The following GALNTL5 variants were observed in gnomAD, a reference collection of about 807,000 sequenced individuals.
GALNTL5 encodes polypeptide N-acetylgalactosaminyltransferase like 5, also known as inactive polypeptide N-acetylgalactosaminyltransferase-like protein 5.
Under a neutral mutation model 51.0 loss-of-function variants are expected in GALNTL5, and 44 were observed. The ratio of observed to expected loss-of-function variants is 0.86; its 90% CI spans 0.68 to 1.11. The LOEUF (loss-of-function observed/expected upper bound fraction) is 1.11. GALNTL5 is among the 50% of genes least tolerant of loss of function. The pLI, the probability that GALNTL5 is intolerant of heterozygous loss-of-function variation, is 0.00. For synonymous variants in GALNTL5, 192 were observed against 182.8 expected (o/e 1.05, Z -0.41); for missense variants, 528 against 531.8 (o/e 0.99, Z 0.07).
chr7:151,996,449 G>C (rs576963551), intron 5 of GALNTL5, among the ~76,000 whole-genome samples: 40 of 151,826 alleles, frequency 2.6e-4, no homozygotes, highest in African/African-American at 9.7e-4. Flanking sequence ...GAAAGATACA[G>C]CAATAACAGG....
intron 2 of GALNTL5, among the ~76,000 whole-genome samples, chr7:151,970,318 A>G (rs1398624675): frequency 6.6e-6 from 1 of 152,194 alleles, no homozygotes; most frequent in African/African-American, 2.4e-5. Context: ...CATCACATAT[A>G]GGTTATTTTC....
At chr7:151,957,546 C>T in intron 1 of GALNTL5, among the ~76,000 whole-genome samples, 1 of 121,484 alleles carries the variant, frequency 8.2e-6, no homozygotes, top group African/African-American at 3.2e-5. Flanking sequence ...GAGACCCTGT[C>T]TCAAAAAAAA....
chr7:151,983,687 T>G (rs2081325801), intron 4 of GALNTL5, among the ~76,000 whole-genome samples: 1 of 152,076 alleles, frequency 6.6e-6, no homozygotes, highest in Admixed American at 6.6e-5. Flanking sequence ...ACCGGCCACA[T>G]CCTTGGAGAT....
intron 2 of GALNTL5, among the ~76,000 whole-genome samples, chr7:151,968,438 G>A (rs1441541610): frequency 6.6e-6 from 1 of 152,084 alleles, no homozygotes; most frequent in Non-Finnish European, 1.5e-5. Flanking sequence ...TGCTCTGAAC[G>A]GCCCTCCCAC....
rs2081128570 is a variant in GALNTL5 at position 151,971,030 on chromosome 7, C to T, written c.333C>T (p.Gly111=). 11 of 1,611,326 alleles carry T rather than the reference C, an allele frequency of 6.8e-6. No homozygotes were observed. The highest frequency in any genetic ancestry group is 9.3e-6 in the Non-Finnish European group (11 of 1,178,062). The part of the protein sequence containing the change: ...GFNVIISRSL[G]IEREVPDTRS... ...ATGTGATTATCAGTAGAAGCTTGGG[C>T]ATCGAAAGAGAAGTGCCAGATACCA... The change falls in exon 3 of 9, where the codon GGC becomes GGT. Residue 111 remains glycine (G), a synonymous_variant. Coordinates refer to ENST00000392800, the MANE Select transcript of GALNTL5 (RefSeq NM_145292.4).
At chr7:151,981,578 CT>C (rs2081288814) in intron 3 of GALNTL5, among the ~76,000 whole-genome samples, 2 of 20,084 alleles carry the variant, frequency 1.0e-4, no homozygotes, top group African/African-American at 3.0e-4. Context: ...TCCTTCCTTC[CT>C]TCCTTCCTTC....
In GALNTL5 at chr7:152,019,841, TCTC is replaced by T. The variant is rs533986232; in HGVS notation, c.*43_*45del. On this transcript the variant is annotated 3_prime_UTR_variant, in exon 9 of 9. Transcript: ENST00000392800. ...ACTTTCATTAATAAAGGGTTAAAAG[TCTC>T]CTAGTCATTCAACATAGTGTCACAA... is the stretch of plus-strand genomic sequence containing the variant. 272 of 1,537,404 alleles carry T rather than the reference TCTC, an allele frequency of 1.8e-4. No homozygotes were observed. In the African/African-American group the frequency reaches 3.2e-3, roughly 18 times the overall value.
In GALNTL5 at chr7:151,981,667, C is replaced by T. The variant is rs1284174087; in HGVS notation, c.369-1319C>T. On this transcript the variant is annotated intron_variant, in intron 3 of 8. Coordinates refer to ENST00000392800, the MANE Select transcript of GALNTL5 (RefSeq NM_145292.4). ...CTCTCTCTCTCCCTCCCTCCCTCCC[C>T]CTCTTCTTTCTTTCTTTTTTTTTTT... is the stretch of plus-strand genomic sequence containing the variant. Among the ~76,000 whole-genome samples the T allele has an allele frequency of 2.1e-5, 3 of 141,428 alleles. No individual in the cohort carries two copies. The East Asian group carries it at 6.4e-4, about 30-fold the overall frequency. The allele number at this position is 141,428 out of a possible 152,430, so 92.8% of individuals were successfully genotyped here.
chr7:152,018,404 T>G (rs1163816805), intron 8 of GALNTL5, among the ~76,000 whole-genome samples: 1 of 152,226 alleles, frequency 6.6e-6, no homozygotes, highest in East Asian at 1.9e-4. Flanking sequence ...AACATCTCAT[T>G]GTTTAAAATT....
rs1366169600 is a variant in GALNTL5, at chr7:152,002,939, C to T, written c.884C>T (p.Pro295Leu). The T allele has an allele frequency of 6.2e-7, 1 of 1,613,910 alleles. No homozygotes were observed. The highest frequency in any genetic ancestry group is 1.1e-5 in the South Asian group (1 of 91,058). The change falls in exon 6 of 9, where the codon CCA (proline) becomes CTA (leucine). Residue 295 changes from proline to leucine, a missense_variant. Coordinates refer to ENST00000392800, the MANE Select transcript of GALNTL5 (RefSeq NM_145292.4). ...GTTTTCTCTTATGAGATGGATGGAC[C>T]AGAAGGATCTACTAAACCAATCCGG... ...DNVFSYEMDG[P>L]EGSTKPIRSP...
intron 5 of GALNTL5, among the ~76,000 whole-genome samples, chr7:151,995,659 C>T (rs1409166776): frequency 1.5e-5 from 2 of 133,126 alleles, no homozygotes; most frequent in Non-Finnish European, 3.2e-5. Context: ...CAGATAAGGA[C>T]ATCACCTACA....
chr7:151,970,241 CTTT>C (rs2081118255), intron 2 of GALNTL5, among the ~76,000 whole-genome samples: 1 of 152,274 alleles, frequency 6.6e-6, no homozygotes, highest in South Asian at 2.1e-4. Context: ...CATTCTGCTT[CTTT>C]ATCTCCCTAT....
chr7:151,977,110 C>G (rs929241555), intron 3 of GALNTL5, among the ~76,000 whole-genome samples: 1 of 152,060 alleles, frequency 6.6e-6, no homozygotes, highest in African/African-American at 2.4e-5. Flanking sequence ...GACCAAATAC[C>G]TAAATTATAT....
chr7:152,017,083 G>A (rs930335772), intron 8 of GALNTL5, among the ~76,000 whole-genome samples: 1 of 151,750 alleles, frequency 6.6e-6, no homozygotes, highest in African/African-American at 2.4e-5. Context: ...CAACTATAGT[G>A]TATAGTCATG....
At chr7:151,981,255 G>T (rs62479996) in intron 3 of GALNTL5, among the ~76,000 whole-genome samples, 29,515 of 152,024 alleles carry the variant, frequency 0.19, 3,201 homozygotes, top group African/African-American at 0.29. Context: ...AAAAGCCCAG[G>T]TGCAGAGGAA....
intron 3 of GALNTL5, among the ~76,000 whole-genome samples, chr7:151,981,681 CTTT>C (rs760011757): frequency 4.6e-5 from 3 of 65,454 alleles, no homozygotes; most frequent in Non-Finnish European, 6.0e-5. Flanking sequence ...TTCTTTCTTT[CTTT>C]TTTTTTTTTT....
At chr7:152,005,432 C>T (rs767587935) in intron 6 of GALNTL5, among the ~76,000 whole-genome samples, 1 of 152,162 alleles carries the variant, frequency 6.6e-6, no homozygotes, top group East Asian at 1.9e-4. Flanking sequence ...ACGTTTTCGG[C>T]CTGCACACCA....
chr7:151,957,060 TC>T, intron 1 of GALNTL5, among the ~76,000 whole-genome samples: 1 of 150,386 alleles, frequency 6.6e-6, no homozygotes, highest in Non-Finnish European at 1.5e-5. Context: ...TAATTCCAGC[TC>T]CTGGGAGGCT....
chr7:151,981,592 TCCTTCCTTCCTTCCC>T lies in GALNTL5; in HGVS notation c.369-1393_369-1379del, dbSNP rs1349163089. 4.6e-3 allele frequency among the ~76,000 whole-genome samples: 187 copies of T among 41,022 alleles called. 4 individuals carry two copies. Among genetic ancestry groups the T allele is most frequent in the African/African-American group, 0.024 (173 of 7,308 alleles). The allele number at this position is 41,022 out of a possible 152,430, so 26.9% of individuals were successfully genotyped here. ...TTCCTTCCTTCCTTCCTTCCTTCCC[TCCTTCCTTCCTTCCC>T]TCCTTCCTTCCTTCCTTCCTTCCTC... On this transcript the variant is annotated intron_variant, in intron 3 of 8. Coordinates refer to ENST00000392800, the MANE Select transcript of GALNTL5 (RefSeq NM_145292.4).
Sources: gnomAD v4.1 joint callset for allele counts (sites outside exome capture counted in the v4.1 genomes callset) on GRCh38, gnomAD v4.1.1 for gene constraint, MANE v1.5 for transcripts, NCBI Gene and HGNC (gene_info 2026-07-23, HGNC 2026-07-21) for gene names.